Variants in CYP27C1 observed in about 807,000 individuals in gnomAD.
CYP27C1 encodes cytochrome P450 27C1.
A neutral mutation model predicts 40.6 loss-of-function variants in CYP27C1; 29 were observed. That is an observed-to-expected ratio of 0.71 (90% CI 0.53 to 0.97). The LOEUF (loss-of-function observed/expected upper bound fraction) is 0.97, where lower values mean the gene tolerates loss of function less well. CYP27C1 is among the 50% of genes least tolerant of loss of function. The pLI is 0.00. For synonymous variants in CYP27C1, 198 were observed against 186.8 expected (o/e 1.06, Z -0.49); for missense variants, 390 against 485.8 (o/e 0.80, Z 1.85).
At chr2:127,190,725 C>T (rs536576104) in intron 8 of CYP27C1, among the ~76,000 whole-genome samples, 1 of 146,734 alleles carries the variant, frequency 6.8e-6, no homozygotes, top group South Asian at 2.2e-4. Flanking sequence ...GGCGATGGAT[C>T]ACTTGAGGTC....
At chr2:127,193,619 C>T (rs940753776) in intron 7 of CYP27C1, among the ~76,000 whole-genome samples, 170 bp downstream of exon 7, 1 of 152,208 alleles carries the variant, frequency 6.6e-6, no homozygotes, top group African/African-American at 2.4e-5. Flanking sequence ...AGTGAGATCA[C>T]ACCATTCCCT....
At position 127,208,798 on chromosome 2, in the gene CYP27C1, T is replaced by A. The variant is rs1375454772; in HGVS notation, c.283-2708A>T. On this transcript the variant is annotated intron_variant, in intron 1 of 8. Transcript: ENST00000664447. This position sits in a 1 kb window ranked among gnomAD's most constrained non-coding sequence, Gnocchi z 5.2. Reference sequence around the variant, plus strand: ...CCATCCTTCCTCAGTGGCTGGGGATTCCCAGCAGGATCTCCAACAATTCCA... The same window carrying A: ...CCATCCTTCCTCAGTGGCTGGGGATACCCAGCAGGATCTCCAACAATTCCA... Among the ~76,000 whole-genome samples the A allele has an allele frequency of 2.0e-5, 3 of 152,108 alleles. No individual in the cohort carries two copies. Among genetic ancestry groups the A allele is most frequent in the African/African-American group, 7.2e-5 (3 of 41,432 alleles).
intron 1 of CYP27C1, among the ~76,000 whole-genome samples, chr2:127,213,351 T>C (rs1024322617): frequency 1.3e-5 from 2 of 151,000 alleles, no homozygotes; most frequent in African/African-American, 4.9e-5. Context: ...AGACCCCATA[T>C]AGCCAAAACA....
At chr2:127,216,606 A>G (rs941145524) in intron 1 of CYP27C1, among the ~76,000 whole-genome samples, 1 of 152,202 alleles carries the variant, frequency 6.6e-6, no homozygotes, top group African/African-American at 2.4e-5. Context: ...GGTCATGAAA[A>G]TGTTCTACAA....
Position 127,193,151 on chromosome 2 carries a change from A to G in CYP27C1, c.1440T>C (p.Val480=). Residue 480 remains valine, a synonymous_variant, in exon 8 of 9, where the codon GTT becomes GTC. Coordinates refer to ENST00000664447, the MANE Select transcript of CYP27C1 (RefSeq NM_001367502.1). ...CAATTCTCCGCCCTATGCAGCTGCGAACCCCATGACCAAAGGGGATGGATC... is the reference window on the plus strand; with the variant it reads ...CAATTCTCCGCCCTATGCAGCTGCGGACCCCATGACCAAAGGGGATGGATC... The part of the protein sequence containing the change: ...NFGSIPFGHG[V]RSCIGRRIAE... 6.2e-7 allele frequency: 1 copy of G among 1,614,188 alleles called. No individual in the cohort carries two copies. The highest frequency in any genetic ancestry group is 8.5e-7 in the Non-Finnish European group (1 of 1,180,026).
At position 127,219,058 on chromosome 2, in the gene CYP27C1, C is replaced by A. The variant is rs921563472; in HGVS notation, c.282+931G>T. 6.6e-6 allele frequency among the ~76,000 whole-genome samples: 1 copy of A among 152,148 alleles called. No individual in the cohort carries two copies. The highest frequency in any genetic ancestry group is 2.4e-5 in the African/African-American group (1 of 41,444). ...GTCCCGGCGCGAACTCCAGGTGTCG[C>A]CCCCAACTCCGGCTTAGAGCCTACG... is the stretch of plus-strand genomic sequence containing the variant. On this transcript the variant is annotated intron_variant, in intron 1 of 8. Coordinates refer to ENST00000664447, the MANE Select transcript of CYP27C1 (RefSeq NM_001367502.1). The surrounding 1 kb of genome is among the most constrained non-coding windows in gnomAD (Gnocchi z 8.7).
chr2:127,190,331 C>CTTTTT (rs11400543), intron 8 of CYP27C1, among the ~76,000 whole-genome samples: 34 of 120,166 alleles, frequency 2.8e-4, no homozygotes, highest in East Asian at 1.2e-3. Flanking sequence ...TGTGGCTTCT[C>CTTTTT]TTTTTTTTTT....
Position 127,204,549 on chromosome 2 carries a change from GAGAGAGAGAA to G in CYP27C1, c.474-988_474-979del, listed in dbSNP as rs1444842709. Among the ~76,000 whole-genome samples, 574 of 77,790 alleles carry G rather than the reference GAGAGAGAGAA, an allele frequency of 7.4e-3. 8 individuals are homozygous for G. The highest frequency in any genetic ancestry group is 0.011 in the Middle Eastern group (2 of 178). The allele number at this position is 77,790 out of a possible 152,430, so 51.0% of individuals were successfully genotyped here. ...AGAAAGAAAGAAAGAGAGAGAGAGA[GAGAGAGAGAA>G]AGAAAGAAAGAAAGAAAGAAAGAAA... On this transcript the variant is annotated intron_variant, in intron 2 of 8. Transcript: ENST00000664447.
In CYP27C1 at chr2:127,204,574, A is replaced by C. The variant is rs1204883324; in HGVS notation, c.474-1003T>G. Among the ~76,000 whole-genome samples the C allele has an allele frequency of 4.9e-5, 4 of 81,322 alleles. 1 individual carries two copies. Among genetic ancestry groups the C allele is most frequent in the African/African-American group, 2.1e-4 (4 of 18,928 alleles). 53.4% of individuals were successfully genotyped at this position (81,322 alleles called of 152,430 possible). On this transcript the variant is annotated intron_variant, in intron 2 of 8. Coordinates refer to ENST00000664447, the MANE Select transcript of CYP27C1 (RefSeq NM_001367502.1). The stretch of plus-strand genomic sequence containing the variant: ...GAGAGAGAGAAAGAAAGAAAGAAAG[A>C]AAGAAAGAAAGAAAGAAAGAAAGAA...
Position 127,187,390 on chromosome 2 carries a change from A to G in CYP27C1, c.1498-3T>C, listed in dbSNP as rs370949338. ...TTGATCTCAAAATGTTGAAGCAACT[A>G]AGAAGAGAAAGAGAGAGAAGGGGTC... On this transcript the variant is annotated splice_region_variant and splice_polypyrimidine_tract_variant and intron_variant, in intron 8 of 8. Coordinates refer to ENST00000664447, the MANE Select transcript of CYP27C1 (RefSeq NM_001367502.1). 184 of 1,612,708 alleles carry G rather than the reference A, an allele frequency of 1.1e-4. 2 individuals are homozygous for G. The African/African-American group carries it at 2.1e-3, about 19-fold the overall frequency.
rs949145977 is a variant in CYP27C1, at chr2:127,200,424, A to G, written c.883+698T>C. On this transcript the variant is annotated intron_variant, in intron 4 of 8. Coordinates refer to ENST00000664447, the MANE Select transcript of CYP27C1 (RefSeq NM_001367502.1). This position sits in a 1 kb window ranked among gnomAD's most constrained non-coding sequence, Gnocchi z 4.2. ...AAAATTTTAGTCACATAAGAAAACA[A>G]ATCTCTTTGTAATCTCACCTTGGAT... Among the ~76,000 whole-genome samples, 2 of 152,206 alleles carry G rather than the reference A, an allele frequency of 1.3e-5. No individual in the cohort carries two copies. The highest frequency in any genetic ancestry group is 6.5e-5 in the Admixed American group (1 of 15,280).
At chr2:127,217,928 C>T (rs948219911) in intron 1 of CYP27C1, among the ~76,000 whole-genome samples, 1 of 152,112 alleles carries the variant, frequency 6.6e-6, no homozygotes, top group Non-Finnish European at 1.5e-5. Flanking sequence ...AGGTGAGAGT[C>T]CCCACAAGTA....
Position 127,201,189 on chromosome 2 carries a change from C to G in CYP27C1, c.816G>C (p.Trp272Cys). The G allele has an allele frequency of 1.9e-6, 3 of 1,613,900 alleles. No individual in the cohort carries two copies. Among genetic ancestry groups the G allele is most frequent in the Non-Finnish European group, 2.5e-6 (3 of 1,180,006 alleles). ...TSMYAGAIPR[W>C]LRPFIPKPWR... ...AGGGCTTTGGGATGAAGGGGCGAAG[C>G]CATCTGGGGATGGCGCCTGCATACA... Residue 272 changes from tryptophan to cysteine, a missense_variant, in exon 4 of 9, where the codon TGG becomes TGC. By Grantham distance (215) the Trp-to-Cys change is radical. Transcript: ENST00000664447. The surrounding 1 kb of genome is among the most constrained non-coding windows in gnomAD (Gnocchi z 6.0).
intron 8 of CYP27C1, among the ~76,000 whole-genome samples, chr2:127,191,468 A>G (rs11903375): frequency 1.3e-5 from 2 of 152,072 alleles, no homozygotes. Context: ...CATCCCTCCC[A>G]ACTCACCGAT....
intron 6 of CYP27C1, 88 bp from the exon 7 acceptor site, chr2:127,193,955 T>G: frequency 7.0e-7 from 1 of 1,424,858 alleles, no homozygotes; most frequent in Non-Finnish European, 9.7e-7. Context: ...TATTCCCATT[T>G]CCATTAAAAA....
chr2:127,203,256 G>T, intron 3 of CYP27C1, 116 bp downstream of exon 3: 1 of 1,160,762 alleles, frequency 8.6e-7, no homozygotes, highest in Non-Finnish European at 1.2e-6. Flanking sequence ...TGACATGCAT[G>T]TATGTCCCAG....
At chr2:127,206,255 A>G (rs1488376433) in intron 1 of CYP27C1, among the ~76,000 whole-genome samples, 165 bp from the exon 2 acceptor site, 1 of 152,040 alleles carries the variant, frequency 6.6e-6, no homozygotes, top group Non-Finnish European at 1.5e-5. Context: ...TGAGATAAAC[A>G]TGTTTTCACA....
Position 127,201,883 on chromosome 2 carries a change from C to A in CYP27C1, c.674-552G>T, listed in dbSNP as rs77384584. Among the ~76,000 whole-genome samples the A allele has an allele frequency of 0.01, 1,566 of 152,232 alleles. 28 individuals carry two copies. The highest frequency in any genetic ancestry group is 0.036 in the African/African-American group (1,491 of 41,528). ...GAGCCCAGGCCTGGAGAGCTAAAGG[C>A]GCAGCAGAAGTGGCCTGGATGAATC... On this transcript the variant is annotated intron_variant, in intron 3 of 8. Transcript: ENST00000664447. This position sits in a 1 kb window ranked among gnomAD's most constrained non-coding sequence, Gnocchi z 6.0.
rs755582900 is a variant in CYP27C1 at position 127,187,308 on chromosome 2, C to G, written c.1577G>C (p.Gly526Ala). The change falls in exon 9 of 9, where the codon GGG becomes GCG. Residue 526 changes from glycine to alanine, a missense_variant. Transcript: ENST00000664447. ...AACAAATCGCACGTGGATGGGCCCC[C>G]CTGGCGTCAGGAGCCCGTGGGTTTT... Reference protein sequence around the residue: ...HAKTHGLLTPGGPIHVRFVNR... With the variant: ...HAKTHGLLTPAGPIHVRFVNR... 1.9e-6 allele frequency: 3 copies of G among 1,614,050 alleles called. No homozygotes were observed. Among genetic ancestry groups the G allele is most frequent in the South Asian group, 1.1e-5 (1 of 91,086 alleles).
Sources: allele counts gnomAD v4.1 joint callset (sites outside exome capture counted in the v4.1 genomes callset), GRCh38; gene constraint gnomAD v4.1.1; non-coding constraint Gnocchi (gnomAD v3.1); transcripts MANE v1.5; gene names NCBI Gene and HGNC (gene_info 2026-07-23, HGNC 2026-07-21).